Variants in ARHGEF12 observed in about 807,000 individuals in gnomAD.
ARHGEF12 encodes the protein KMT2A/ARHGEF12 fusion protein.
In ARHGEF12, 66 loss-of-function variants were observed where a neutral mutation model predicts 211.2. The observed-to-expected ratio is 0.31, with a 90% CI of 0.26 to 0.38. The LOEUF is 0.38. Among genes scored for constraint, ARHGEF12 ranks in the 10% least tolerant of loss-of-function variants. The pLI is 1.00. For synonymous variants in ARHGEF12, 592 were observed against 638.4 expected (o/e 0.93, Z 1.09); for missense variants, 1,429 against 1,869.5 (o/e 0.76, Z 4.34).
chr11:120,447,185 T>C, intron 18 of ARHGEF12, 100 bp downstream of exon 18: 1 of 1,319,064 alleles, frequency 7.6e-7, no homozygotes, highest in Middle Eastern at 2.3e-4. Flanking sequence ...TCAGATTGTG[T>C]ATGTGGAGCC....
At position 120,446,995 on chromosome 11, in the gene ARHGEF12, A is replaced by G. The variant is rs1157846296; in HGVS notation, c.1499A>G (p.Lys500Arg). 2 of 1,614,086 alleles carry G rather than the reference A, an allele frequency of 1.2e-6. No homozygotes were observed. The highest frequency in any genetic ancestry group is 2.7e-5 in the African/African-American group (2 of 74,934). ...GLTLAESELT[K>R]LDAERDKDRL... ...ACCTTGGCTGAAAGCGAGCTGACTAAACTTGATGCAGAGCGAGACAAGGAC... is the reference window on the plus strand; with the variant it reads ...ACCTTGGCTGAAAGCGAGCTGACTAGACTTGATGCAGAGCGAGACAAGGAC... Residue 500 changes from lysine to arginine, a missense_variant, in exon 18 of 41, where the codon AAA (lysine) becomes AGA (arginine). Physicochemically the swap from Lys to Arg is conservative, Grantham distance 26 (BLOSUM62 2). Around this residue, in one of 7 missense-constraint regions of ARHGEF12, gnomAD observed 373 missense variants for 467.5 expected, o/e 0.80. Transcript: ENST00000397843.
chr11:120,348,148 C>T lies in ARHGEF12; in HGVS notation c.32+10873C>T, dbSNP rs116773371. Among the ~76,000 whole-genome samples the T allele has an allele frequency of 7.3e-3, 1,113 of 152,254 alleles. 16 individuals carry two copies. The highest frequency in any genetic ancestry group is 0.025 in the African/African-American group (1,048 of 41,542). ...GGAACTACAGTAGAAAAGTAGCTAT[C>T]ATTGGCTTGTAAATAAAATTACTTA... On this transcript the variant is annotated intron_variant, in intron 1 of 40. Transcript: ENST00000397843.
chr11:120,407,643 C>G lies in ARHGEF12; in HGVS notation c.57-95C>G. Reference sequence around the variant, plus strand: ...GTGCTGTGTAAAGTAAACTGATTTCCTGGTTTTTCTTGTAAGATCCACTTT... The same window carrying G: ...GTGCTGTGTAAAGTAAACTGATTTCGTGGTTTTTCTTGTAAGATCCACTTT... On this transcript the variant is annotated intron_variant, in intron 2 of 40. Transcript: ENST00000397843. 6.8e-6 allele frequency: 6 copies of G among 885,252 alleles called. No individual in the cohort carries two copies. The South Asian group carries it at 9.8e-5, about 14-fold the overall frequency. 54.8% of individuals were successfully genotyped at this position (885,252 alleles called of 1,614,324 possible).
chr11:120,409,631 T>G (rs1944822759), intron 4 of ARHGEF12, 181 bp downstream of exon 4: 1 of 574,670 alleles, frequency 1.7e-6, no homozygotes, highest in African/African-American at 1.9e-5. Flanking sequence ...GGCTGTGATG[T>G]GGAAGCTTAA....
rs1389061879 is a variant in ARHGEF12, at chr11:120,459,124, C to T, written c.2381-50C>T. 2.1e-6 allele frequency: 3 copies of T among 1,454,686 alleles called. No homozygotes were observed. In the South Asian group the frequency reaches 4.6e-5, roughly 22 times the overall value. 90.1% of individuals were successfully genotyped at this position (1,454,686 alleles called of 1,614,324 possible). A position where few individuals can be genotyped will look rare whatever the true frequency, so the allele number is the denominator to read the frequency against. On this transcript the variant is annotated intron_variant, in intron 25 of 40. Coordinates refer to ENST00000397843, the MANE Select transcript of ARHGEF12 (RefSeq NM_015313.3). ...TCCAGCTAAAGACTATGATTGATCC[C>T]ATGGAATTGTTCTAAGTAAGGCAAC...
At chr11:120,408,549 T>G (rs1944783432) in intron 3 of ARHGEF12, 1 of 152,200 alleles carries the variant, frequency 6.6e-6, no homozygotes. Flanking sequence ...TTTTATTCAG[T>G]TGCCTGTCCC....
intron 27 of ARHGEF12, 190 bp from the exon 28 acceptor site, chr11:120,465,047 T>C: frequency 1.6e-6 from 1 of 643,754 alleles, no homozygotes; most frequent in South Asian, 2.5e-5. Flanking sequence ...TGGAATATGA[T>C]CAGAAAAGGT....
chr11:120,421,090 G>A (rs1158739874), intron 5 of ARHGEF12, among the ~76,000 whole-genome samples: 1 of 152,078 alleles, frequency 6.6e-6, no homozygotes, highest in Non-Finnish European at 1.5e-5. Context: ...GTGACTCCTT[G>A]GTCATGATAC....
chr11:120,440,306 T>G (rs1012092609), intron 13 of ARHGEF12, 85 bp downstream of exon 13: 16 of 1,095,724 alleles, frequency 1.5e-5, no homozygotes, highest in African/African-American at 9.5e-5. Context: ...TTCTGGAGAT[T>G]AAGATAACAT....
intron 1 of ARHGEF12, among the ~76,000 whole-genome samples, chr11:120,402,913 G>A (rs967623735): frequency 6.6e-6 from 1 of 152,092 alleles, no homozygotes; most frequent in African/African-American, 2.4e-5. Context: ...AATATTAAAG[G>A]ACTATTCCAG....
chr11:120,424,127 G>A (rs943515917), intron 6 of ARHGEF12, among the ~76,000 whole-genome samples: 2 of 152,062 alleles, frequency 1.3e-5, no homozygotes, highest in African/African-American at 4.8e-5. Context: ...TGAATAAGTT[G>A]TACTGTTTTG....
At chr11:120,398,628 C>T (rs1944460437) in intron 1 of ARHGEF12, among the ~76,000 whole-genome samples, 1 of 151,918 alleles carries the variant, frequency 6.6e-6, no homozygotes, top group Admixed American at 6.6e-5. Flanking sequence ...TTGAGGAATT[C>T]GTAATGTTTG....
chr11:120,473,071 C>T lies in ARHGEF12; in HGVS notation c.2977C>T (p.Arg993Cys), dbSNP rs766559873. The change falls in exon 31 of 41, where the codon CGC becomes TGC. Residue 993 changes from arginine (R) to cysteine (C), a missense_variant. Arg to Cys is a radical substitution (Grantham distance 180, BLOSUM62 -3). Coordinates refer to ENST00000397843, the MANE Select transcript of ARHGEF12 (RefSeq NM_015313.3). ...TCAGCGCCTAGAAGATTATCAGCGT[C>T]GCCTTGATACCTCCAGCCTGAAGTT... Reference protein sequence around the residue: ...NKQRLEDYQRRLDTSSLKLSE... With the variant: ...NKQRLEDYQRCLDTSSLKLSE... 7 of 1,613,532 alleles carry T rather than the reference C, an allele frequency of 4.3e-6. No individual in the cohort carries two copies. Among genetic ancestry groups the T allele is most frequent in the African/African-American group, 2.7e-5 (2 of 74,890 alleles).
At position 120,489,249 on chromosome 11, in the gene ARHGEF12, T is replaced by A. The variant is rs1001032318; in HGVS notation, c.*4172T>A. ...ATGTGGGGCAGGTTTGTTGTTTTTT[T>A]AATAGCTTTATTGAGATATTCACAT... On this transcript the variant is annotated 3_prime_UTR_variant, in exon 41 of 41. Transcript: ENST00000397843. 1.3e-5 allele frequency: 3 copies of A among 227,914 alleles called. No individual in the cohort carries two copies. The highest frequency in any genetic ancestry group is 5.7e-5 in the Admixed American group (1 of 17,624). 14.1% of individuals were successfully genotyped at this position (227,914 alleles called of 1,614,324 possible). A position where few individuals can be genotyped will look rare whatever the true frequency, so the allele number is the denominator to read the frequency against.
intron 18 of ARHGEF12, 21 bp from the exon 19 acceptor site, chr11:120,447,852 AT>A (rs772005490): frequency 3.9e-5 from 58 of 1,500,284 alleles, no homozygotes; most frequent in Admixed American, 1.1e-4. Context: ...TCATTTTTAA[AT>A]TTTTTTTTCT....
chr11:120,390,535 C>T (rs928675387), intron 1 of ARHGEF12, among the ~76,000 whole-genome samples: 4 of 152,164 alleles, frequency 2.6e-5, no homozygotes, highest in African/African-American at 9.7e-5. Context: ...ATCCACTGAG[C>T]TCTGGGATTA....
At chr11:120,442,461 T>C (rs1312896388) in intron 15 of ARHGEF12, among the ~76,000 whole-genome samples, 1 of 143,904 alleles carries the variant, frequency 6.9e-6, no homozygotes, top group Non-Finnish European at 1.6e-5. Flanking sequence ...CACACATATA[T>C]ATACACACAC....
At chr11:120,376,281 A>G (rs2135430493) in intron 1 of ARHGEF12, among the ~76,000 whole-genome samples, 1 of 152,136 alleles carries the variant, frequency 6.6e-6, no homozygotes, top group African/African-American at 2.4e-5. Flanking sequence ...AAATGTTCAG[A>G]TTGTATTTTC....
At chr11:120,407,949 A>G (rs895413440) in intron 3 of ARHGEF12, 126 bp downstream of exon 3, 2 of 727,426 alleles carry the variant, frequency 2.7e-6, no homozygotes, top group South Asian at 2.3e-5. Context: ...CATTCCTCCA[A>G]TTATATCATA....
Sources: allele counts gnomAD v4.1 joint callset (sites outside exome capture counted in the v4.1 genomes callset), GRCh38; gene constraint gnomAD v4.1.1; regional missense constraint gnomAD v4.1.1; transcripts MANE v1.5; gene names NCBI Gene and HGNC (gene_info 2026-07-23, HGNC 2026-07-21).